Variants in HUNK observed in about 807,000 individuals in gnomAD.
HUNK encodes hormonally up-regulated neu tumor-associated kinase.
In HUNK, 21 loss-of-function variants were observed where a neutral mutation model predicts 61.0. The observed-to-expected ratio is 0.34, with a 90% CI of 0.24 to 0.50. The LOEUF (loss-of-function observed/expected upper bound fraction) is 0.50. HUNK is among the 20% of genes least tolerant of loss of function. The pLI is 0.98. For synonymous variants in HUNK, 371 were observed against 386.1 expected, an observed-to-expected ratio of 0.96 and a Z score of 0.46; for missense variants, 772 against 945.7, an observed-to-expected ratio of 0.82 and a Z score of 2.41.
chr21:31,996,475 A>G (rs1298253733), intron 10 of HUNK, among the ~76,000 whole-genome samples: 7 of 152,192 alleles, frequency 4.6e-5, no homozygotes, highest in Non-Finnish European at 5.9e-5. Context: ...ATGCATATAT[A>G]AGCTCCCTCA....
Position 32,000,969 on chromosome 21 carries a change from C to A in HUNK, c.*1785C>A. 2 of 376,314 alleles carry A rather than the reference C, an allele frequency of 5.3e-6. No individual in the cohort carries two copies. The allele number at this position is 376,314 out of a possible 1,614,324, so 23.3% of individuals were successfully genotyped here. A position where few individuals can be genotyped will look rare whatever the true frequency, so the allele number is the denominator to read the frequency against. On this transcript the variant is annotated 3_prime_UTR_variant, in exon 11 of 11. Transcript: ENST00000270112. ...GCTTCAGACTGGGTTCCAGAACTTA[C>A]CATTGAAAACAGAGCTTTTAGGCCA...
chr21:31,982,659 A>C (rs2053105688), intron 7 of HUNK, among the ~76,000 whole-genome samples: 1 of 152,138 alleles, frequency 6.6e-6, no homozygotes, highest in African/African-American at 2.4e-5. Context: ...ACAGGATTGC[A>C]CCTTCCTCAG....
At chr21:31,969,393 G>T (rs1210727388) in intron 6 of HUNK, among the ~76,000 whole-genome samples, 1 of 152,104 alleles carries the variant, frequency 6.6e-6, no homozygotes, top group African/African-American at 2.4e-5. Flanking sequence ...TTTAGGCCGG[G>T]TGTCCCTATG....
chr21:31,939,259 ATCT>A, intron 2 of HUNK, among the ~76,000 whole-genome samples: 1 of 151,956 alleles, frequency 6.6e-6, no homozygotes, highest in Non-Finnish European at 1.5e-5. Context: ...GGACACCAAC[ATCT>A]TTGGAGTCCA....
At chr21:31,995,685 C>G (rs944996908) in intron 9 of HUNK, 83 bp from the exon 10 acceptor site, 2 of 1,069,860 alleles carry the variant, frequency 1.9e-6, no homozygotes, top group Non-Finnish European at 2.8e-6. Context: ...TTTCTCTAAT[C>G]AGTTTGGATG....
chr21:31,903,527 A>G (rs1428111192), intron 1 of HUNK, among the ~76,000 whole-genome samples: 1 of 152,198 alleles, frequency 6.6e-6, no homozygotes, highest in African/African-American at 2.4e-5. Flanking sequence ...CAAAAAAAAA[A>G]TTACCTTTAC....
intron 1 of HUNK, among the ~76,000 whole-genome samples, chr21:31,909,895 A>T (rs190859379): frequency 7.4e-4 from 112 of 152,332 alleles, no homozygotes; most frequent in Middle Eastern, 3.4e-3. Context: ...GGGTCATGCT[A>T]ATCACCACAG....
At chr21:31,888,775 CA>C (rs113801192) in intron 1 of HUNK, among the ~76,000 whole-genome samples, 2,801 of 145,202 alleles carry the variant, frequency 0.019, 56 homozygotes, top group African/African-American at 0.053. Flanking sequence ...CAAAAAAATG[CA>C]AAAAAAAAGG....
intron 8 of HUNK, among the ~76,000 whole-genome samples, chr21:31,983,859 C>G (rs1355673201): frequency 6.6e-6 from 1 of 152,170 alleles, no homozygotes. Flanking sequence ...CCAGGCCGCA[C>G]CTGGGACCCA....
At chr21:31,917,104 T>C (rs1421359259) in intron 1 of HUNK, among the ~76,000 whole-genome samples, 4 of 152,238 alleles carry the variant, frequency 2.6e-5, no homozygotes, top group Non-Finnish European at 4.4e-5. Flanking sequence ...TTAAAAGTGG[T>C]TTGCTGATTT....
At chr21:31,997,033 G>A (rs746106889) in intron 10 of HUNK, among the ~76,000 whole-genome samples, 3 of 152,236 alleles carry the variant, frequency 2.0e-5, no homozygotes, top group Admixed American at 2.0e-4. Context: ...TTCGGTGCCT[G>A]TGTGTTTATT....
rs59786028 is a variant in HUNK, at chr21:31,981,078, G to A, written c.1174-2448G>A. 7.9e-3 allele frequency among the ~76,000 whole-genome samples: 1,197 copies of A among 152,358 alleles called. 10 individuals are homozygous for A. The highest frequency in any genetic ancestry group is 0.026 in the African/African-American group (1,093 of 41,570). ...GGGTCTGATTTCATTCTCTGTGGAT[G>A]TCCAGTTTTCCAACACCATTTATTT... is the stretch of plus-strand genomic sequence containing the variant. On this transcript the variant is annotated intron_variant, in intron 7 of 10. Transcript: ENST00000270112.
intron 4 of HUNK, among the ~76,000 whole-genome samples, chr21:31,951,411 A>T (rs1169665316): frequency 1.3e-5 from 2 of 152,302 alleles, no homozygotes; most frequent in African/African-American, 2.4e-5. Context: ...TCTTCAGAAT[A>T]TTACAATACT....
intron 1 of HUNK, among the ~76,000 whole-genome samples, chr21:31,921,622 AAGAAATC>A (rs780887889): frequency 8.3e-4 from 126 of 152,282 alleles, no homozygotes; most frequent in Non-Finnish European, 1.4e-3. Context: ...GAGCTTCTGC[AAGAAATC>A]AGAGTTCTAG....
At chr21:31,956,352 A>G (rs1291168017) in intron 4 of HUNK, among the ~76,000 whole-genome samples, 1 of 152,150 alleles carries the variant, frequency 6.6e-6, no homozygotes, top group African/African-American at 2.4e-5. Context: ...CCCCAGCAAC[A>G]ACTTTGTGGG....
intron 4 of HUNK, among the ~76,000 whole-genome samples, chr21:31,957,403 G>A (rs2052896846): frequency 6.6e-6 from 1 of 152,186 alleles, no homozygotes; most frequent in Non-Finnish European, 1.5e-5. Context: ...CTTACTATAT[G>A]TCTGAAATTT....
intron 4 of HUNK, among the ~76,000 whole-genome samples, chr21:31,955,450 G>T (rs1156383908): frequency 6.6e-6 from 1 of 150,786 alleles, no homozygotes; most frequent in Non-Finnish European, 1.5e-5. Context: ...AAATAGCCAG[G>T]CCTGGTGGCA....
intron 2 of HUNK, among the ~76,000 whole-genome samples, chr21:31,935,871 C>T (rs780757323): frequency 2.6e-5 from 4 of 151,958 alleles, no homozygotes; most frequent in East Asian, 1.9e-4. Context: ...TAGGCTGGAG[C>T]GCAGTGGCAC....
chr21:31,945,118 G>A (rs1283154735), intron 3 of HUNK, among the ~76,000 whole-genome samples: 1 of 152,126 alleles, frequency 6.6e-6, no homozygotes, highest in Non-Finnish European at 1.5e-5. Context: ...TTCTGTTTGT[G>A]GGGGATGGAC....
Sources: allele counts gnomAD v4.1 joint callset (sites outside exome capture counted in the v4.1 genomes callset), GRCh38; gene constraint gnomAD v4.1.1; transcripts MANE v1.5; gene names NCBI Gene and HGNC (gene_info 2026-07-23, HGNC 2026-07-21).